The following SDK2 variants were observed in gnomAD, a reference collection of about 807,000 sequenced individuals.
The protein encoded by SDK2 is protein sidekick-2.
In SDK2, 105 loss-of-function variants were observed where a neutral mutation model predicts 253.9. That is an observed-to-expected ratio of 0.41 (90% CI 0.35 to 0.49). The LOEUF (loss-of-function observed/expected upper bound fraction) is 0.49, where lower values mean the gene tolerates loss of function less well. SDK2 is among the 20% of genes least tolerant of loss of function. SDK2 has a pLI of 0.06. For missense variants in SDK2, 2,608 were observed against 3,003.0 expected (o/e 0.87, Z 3.07); for synonymous variants, 1,249 against 1,234.9 (o/e 1.01, Z -0.24).
At chr17:73,356,149 G>A (rs1216256448) in intron 40 of SDK2, among the ~76,000 whole-genome samples, 2 of 152,180 alleles carry the variant, frequency 1.3e-5, no homozygotes, top group African/African-American at 2.4e-5. Flanking sequence ...ACTGCCTGGG[G>A]CCACCTCATT....
At chr17:73,396,905 C>T (rs1275940969) in intron 24 of SDK2, among the ~76,000 whole-genome samples, 1 of 152,224 alleles carries the variant, frequency 6.6e-6, no homozygotes, top group Non-Finnish European at 1.5e-5. Flanking sequence ...CAGCTCTGCT[C>T]AGGCACCAGC....
chr17:73,413,250 A>C (rs1249466267), intron 18 of SDK2, among the ~76,000 whole-genome samples: 1 of 150,928 alleles, frequency 6.6e-6, no homozygotes, highest in African/African-American at 2.4e-5. Context: ...TAGGTTGCGT[A>C]CTCCTTATGA....
At chr17:73,575,975 G>C (rs1354055115) in intron 1 of SDK2, among the ~76,000 whole-genome samples, 1 of 152,174 alleles carries the variant, frequency 6.6e-6, no homozygotes, top group Non-Finnish European at 1.5e-5. Flanking sequence ...GCAGCACTGA[G>C]CTGGGGGCCG....
At chr17:73,560,019 G>A (rs563316612) in intron 1 of SDK2, among the ~76,000 whole-genome samples, 2 of 151,924 alleles carry the variant, frequency 1.3e-5, no homozygotes, top group South Asian at 4.1e-4. Flanking sequence ...ATCACACCAC[G>A]GGAAGCGGGT....
intron 1 of SDK2, among the ~76,000 whole-genome samples, chr17:73,529,290 C>T (rs1337001672): frequency 1.3e-5 from 2 of 152,146 alleles, no homozygotes; most frequent in Non-Finnish European, 2.9e-5. Context: ...TCACTCGGGT[C>T]TGCCTCCACC....
At chr17:73,501,952 A>G (rs952922813) in intron 2 of SDK2, among the ~76,000 whole-genome samples, 1 of 152,170 alleles carries the variant, frequency 6.6e-6, no homozygotes, top group Non-Finnish European at 1.5e-5. Context: ...ACAGGGTCAT[A>G]TTCATGCAGG....
chr17:73,643,987 A>G lies in SDK2; in HGVS notation c.64+38T>C. 1 of 320,468 alleles carries G rather than the reference A, an allele frequency of 3.1e-6. No homozygotes were observed. Among genetic ancestry groups the G allele is most frequent in the Non-Finnish European group, 5.3e-6 (1 of 187,584 alleles). 19.9% of individuals were successfully genotyped at this position (320,468 alleles called of 1,614,324 possible). A position where few individuals can be genotyped will look rare whatever the true frequency, so the allele number is the denominator to read the frequency against. ...CCGCCCCTCCCCCGCCCACTCTCCC[A>G]GCCCCCTCCCTGTCCCCACGTGGGG... On this transcript the variant is annotated intron_variant, in intron 1 of 44. Transcript: ENST00000392650. This position sits in a 1 kb window ranked among gnomAD's most constrained non-coding sequence, Gnocchi z 6.9.
intron 3 of SDK2, among the ~76,000 whole-genome samples, chr17:73,460,140 G>A (rs9892036): frequency 1.3e-5 from 2 of 152,086 alleles, no homozygotes; most frequent in Non-Finnish European, 2.9e-5. Flanking sequence ...CTAGGTCATC[G>A]AAACGATACA....
rs4035979 is a variant in SDK2 at position 73,337,503 on chromosome 17, ATGTG to A, written c.*1080_*1083del. On this transcript the variant is annotated 3_prime_UTR_variant, in exon 45 of 45. Transcript: ENST00000392650. ...CCTGTTCCTTGTAAGTGCATGGGAG[ATGTG>A]TGTGTGTGTGTGTGTGTGGTGAGGA... The A allele has an allele frequency of 3.4e-5, 5 of 148,206 alleles. No individual in the cohort carries two copies. The highest frequency in any genetic ancestry group is 2.1e-4 in the East Asian group (1 of 4,810). 9.2% of individuals were successfully genotyped at this position (148,206 alleles called of 1,614,324 possible).
Position 73,394,229 on chromosome 17 carries a change from C to A in SDK2, c.3688G>T (p.Gly1230Trp). 1 of 1,588,774 alleles carries A rather than the reference C, an allele frequency of 6.3e-7. No homozygotes were observed. Among genetic ancestry groups the A allele is most frequent in the Non-Finnish European group, 8.6e-7 (1 of 1,163,832 alleles). The change falls in exon 26 of 45, where the codon GGG becomes TGG. Residue 1230 changes from glycine to tryptophan, a missense_variant. Physicochemically the swap from Gly to Trp is radical, Grantham distance 184 (BLOSUM62 -2). Transcript: ENST00000392650. ...WSEVPEADRN[G>W]LVLGYKVMYK... ...CTCACCTTATAGCCCAGCACGAGCC[C>A]GTTGCGATCAGCCTCGGGGACCTCG...
intron 32 of SDK2, among the ~76,000 whole-genome samples, chr17:73,385,302 G>C (rs1172041113): frequency 6.6e-6 from 1 of 152,204 alleles, no homozygotes; most frequent in Non-Finnish European, 1.5e-5. Flanking sequence ...GGCCATGGCA[G>C]AGCAGGCAGT....
intron 18 of SDK2, among the ~76,000 whole-genome samples, chr17:73,405,789 C>T (rs12944204): frequency 0.24 from 36,492 of 149,920 alleles, 6,369 homozygotes; most frequent in African/African-American, 0.5. Flanking sequence ...GCGCGATCTC[C>T]GCTCACTGCA....
At chr17:73,635,699 T>G (rs1372112133) in intron 1 of SDK2, among the ~76,000 whole-genome samples, 1 of 151,646 alleles carries the variant, frequency 6.6e-6, no homozygotes, top group African/African-American at 2.4e-5. Context: ...GGCATCAAAC[T>G]TTAATTGCCT....
At chr17:73,598,726 C>A (rs531747939) in intron 1 of SDK2, among the ~76,000 whole-genome samples, 1 of 152,228 alleles carries the variant, frequency 6.6e-6, no homozygotes, top group South Asian at 2.1e-4. Flanking sequence ...CTCCAGGGAC[C>A]ACCCCTAGCT....
intron 1 of SDK2, among the ~76,000 whole-genome samples, chr17:73,641,621 A>T (rs1345115396): frequency 6.7e-6 from 1 of 149,624 alleles, no homozygotes; most frequent in African/African-American, 2.5e-5. Flanking sequence ...GGCTAGGCTC[A>T]GATAAAATCT....
chr17:73,453,342 G>A (rs1433867485), intron 4 of SDK2, among the ~76,000 whole-genome samples: 2 of 151,056 alleles, frequency 1.3e-5, no homozygotes, highest in Non-Finnish European at 2.9e-5. Flanking sequence ...AAAAAGAAAT[G>A]TGTATTGCTC....
At chr17:73,388,818 CTCCT>C (rs140671690) in intron 29 of SDK2, among the ~76,000 whole-genome samples, 1,007 of 23,236 alleles carry the variant, frequency 0.043, 34 homozygotes, top group African/African-American at 0.086. Flanking sequence ...TTCCCTCCCT[CTCCT>C]TCCTTCCTTC....
intron 1 of SDK2, among the ~76,000 whole-genome samples, chr17:73,555,047 G>A (rs910361610): frequency 1.3e-5 from 2 of 152,202 alleles, no homozygotes; most frequent in African/African-American, 4.8e-5. Flanking sequence ...CTTTGTTCTG[G>A]GTTGGCCCTC....
intron 1 of SDK2, among the ~76,000 whole-genome samples, chr17:73,524,644 T>C (rs2064111189): frequency 6.6e-6 from 1 of 152,236 alleles, no homozygotes; most frequent in Non-Finnish European, 1.5e-5. Flanking sequence ...GCCAGGCACC[T>C]CTGTGCTCTC....
Sources: gnomAD v4.1 joint callset for allele counts (sites outside exome capture counted in the v4.1 genomes callset) on GRCh38, gnomAD v4.1.1 for gene constraint, Gnocchi (gnomAD v3.1) non-coding constraint, MANE v1.5 for transcripts, NCBI Gene and HGNC (gene_info 2026-07-23, HGNC 2026-07-21) for gene names.